The following SSBP2 variants were observed in gnomAD, a reference collection of about 807,000 sequenced individuals.
SSBP2 encodes single stranded DNA binding protein 2.
A neutral mutation model predicts 61.8 loss-of-function variants in SSBP2; 17 were observed. The observed-to-expected ratio is 0.28, with a 90% CI of 0.19 to 0.41. The LOEUF is 0.41. SSBP2 is among the 10% of genes least tolerant of loss of function. The pLI is 1.00. For synonymous variants in SSBP2, 139 were observed against 141.3 expected (o/e 0.98, Z 0.12); for missense variants, 310 against 458.7 (o/e 0.68, Z 2.96).
chr5:81,589,806 G>T (rs1775354170), intron 4 of SSBP2, among the ~76,000 whole-genome samples: 1 of 152,038 alleles, frequency 6.6e-6, no homozygotes, highest in Non-Finnish European at 1.5e-5. Context: ...ATCTGGTGAG[G>T]GCCTCCTTGC....
intron 4 of SSBP2, among the ~76,000 whole-genome samples, chr5:81,607,990 G>C (rs1434503664): frequency 6.6e-6 from 1 of 152,078 alleles, no homozygotes; most frequent in Non-Finnish European, 1.5e-5. Flanking sequence ...TTCTCACCAA[G>C]TTGTATTTTC....
intron 4 of SSBP2, among the ~76,000 whole-genome samples, chr5:81,521,862 T>A (rs1038207752): frequency 6.6e-6 from 1 of 152,002 alleles, no homozygotes; most frequent in Non-Finnish European, 1.5e-5. Context: ...AACAACTAGA[T>A]AAACAGTTGC....
chr5:81,428,531 C>T (rs1728160374), intron 16 of SSBP2, 54 bp downstream of exon 16: 1 of 1,395,852 alleles, frequency 7.2e-7, no homozygotes, highest in Non-Finnish European at 1.0e-6. Context: ...TTTATTCTAG[C>T]AGAAGAGCTT....
intron 1 of SSBP2, among the ~76,000 whole-genome samples, chr5:81,708,993 C>G (rs1754590986): frequency 6.6e-6 from 1 of 151,842 alleles, no homozygotes; most frequent in Non-Finnish European, 1.5e-5. Context: ...TGAATATAGG[C>G]TAAAGGTTCA....
At chr5:81,605,400 A>C (rs1023315906) in intron 4 of SSBP2, among the ~76,000 whole-genome samples, 1 of 152,136 alleles carries the variant, frequency 6.6e-6, no homozygotes, top group Non-Finnish European at 1.5e-5. Context: ...AAAAAGTCCT[A>C]AATTTCTTTC....
intron 1 of SSBP2, among the ~76,000 whole-genome samples, chr5:81,731,924 A>T (rs1756294639): frequency 6.6e-6 from 1 of 151,902 alleles, no homozygotes. Context: ...AGGAGAACAA[A>T]AACTTCTGCT....
chr5:81,596,337 G>C, intron 4 of SSBP2, among the ~76,000 whole-genome samples: 1 of 140,896 alleles, frequency 7.1e-6, no homozygotes. Context: ...CGAAATAAAA[G>C]AGGACACAAA....
At chr5:81,611,205 C>A (rs1303624588) in intron 4 of SSBP2, among the ~76,000 whole-genome samples, 2 of 152,024 alleles carry the variant, frequency 1.3e-5, no homozygotes, top group Non-Finnish European at 2.9e-5. Flanking sequence ...GTTGTCAACC[C>A]CCATCAAAAA....
chr5:81,520,470 T>C (rs141086496), intron 4 of SSBP2, among the ~76,000 whole-genome samples: 28 of 152,240 alleles, frequency 1.8e-4, no homozygotes, highest in Admixed American at 8.5e-4. Context: ...ATTCAATGAT[T>C]TACGAAAAAA....
At chr5:81,668,059 G>A (rs181225258) in intron 1 of SSBP2, among the ~76,000 whole-genome samples, 112 of 152,114 alleles carry the variant, frequency 7.4e-4, no homozygotes, top group Non-Finnish European at 1.2e-3. Flanking sequence ...AACAGGTAAT[G>A]AGTTACCTTT....
intron 16 of SSBP2, among the ~76,000 whole-genome samples, chr5:81,421,543 T>G (rs1166934647): frequency 6.6e-6 from 1 of 152,148 alleles, no homozygotes; most frequent in Non-Finnish European, 1.5e-5. Flanking sequence ...AGGAACATCA[T>G]TGTTACATGC....
In SSBP2 at chr5:81,632,495, T is replaced by C. The variant is rs138706308; in HGVS notation, c.197+4062A>G. Among the ~76,000 whole-genome samples the C allele has an allele frequency of 1.4e-4, 22 of 152,288 alleles. No homozygotes were observed. In the East Asian group the frequency reaches 3.9e-3, roughly 27 times the overall value. On this transcript the variant is annotated intron_variant, in intron 3 of 16. Coordinates refer to ENST00000320672, the MANE Select transcript of SSBP2 (RefSeq NM_012446.5). Reference sequence around the variant, plus strand: ...CAGATTGGCAGGAGGCAGGGACATATAAGGAACAGTATTTTATTAGGAATA... The same window carrying C: ...CAGATTGGCAGGAGGCAGGGACATACAAGGAACAGTATTTTATTAGGAATA...
At chr5:81,726,244 T>A (rs531670443) in intron 1 of SSBP2, among the ~76,000 whole-genome samples, 1 of 152,102 alleles carries the variant, frequency 6.6e-6, no homozygotes, top group Non-Finnish European at 1.5e-5. Flanking sequence ...AAAGAAACAC[T>A]GAACAAATAC....
At chr5:81,553,117 A>G (rs1401762467) in intron 4 of SSBP2, among the ~76,000 whole-genome samples, 1 of 152,116 alleles carries the variant, frequency 6.6e-6, no homozygotes, top group Non-Finnish European at 1.5e-5. Flanking sequence ...GCCTTGGGTG[A>G]GTCACTTAAG....
In SSBP2 at chr5:81,415,783, GCACCTGTAGTCCCA is replaced by G. The variant is rs1761282513; in HGVS notation, c.*4707_*4720del. ...AAAAATTAGCTGGGCATGGTGGTGA[GCACCTGTAGTCCCA>G]GCCACTCGGGAGGCTGAGGCAGGAG... On this transcript the variant is annotated 3_prime_UTR_variant, in exon 17 of 17. Coordinates refer to ENST00000320672, the MANE Select transcript of SSBP2 (RefSeq NM_012446.5). 6.6e-6 allele frequency: 1 copy of G among 151,872 alleles called. No homozygotes were observed. Among genetic ancestry groups the G allele is most frequent in the Non-Finnish European group, 1.5e-5 (1 of 68,274 alleles). The allele number at this position is 151,872 out of a possible 1,614,324, so 9.4% of individuals were successfully genotyped here.
At chr5:81,472,573 T>A (rs1765318975) in intron 8 of SSBP2, among the ~76,000 whole-genome samples, 1 of 152,182 alleles carries the variant, frequency 6.6e-6, no homozygotes, top group Non-Finnish European at 1.5e-5. Context: ...CTCTTTAATA[T>A]TTTCAATCAA....
intron 1 of SSBP2, among the ~76,000 whole-genome samples, chr5:81,654,532 A>G (rs1750039921): frequency 6.6e-6 from 1 of 152,148 alleles, no homozygotes; most frequent in Non-Finnish European, 1.5e-5. Context: ...TATCTCTCCC[A>G]CATTTGCCAC....
intron 1 of SSBP2, among the ~76,000 whole-genome samples, chr5:81,671,495 T>C (rs921653558): frequency 1.8e-4 from 28 of 152,094 alleles, no homozygotes; most frequent in African/African-American, 6.8e-4. Flanking sequence ...GGATGCATCA[T>C]TACTCCAAGA....
At chr5:81,559,052 G>A (rs1167247555) in intron 4 of SSBP2, among the ~76,000 whole-genome samples, 3 of 152,132 alleles carry the variant, frequency 2.0e-5, no homozygotes, top group Non-Finnish European at 2.9e-5. Context: ...TCAAGAGATC[G>A]AGGCCAGTCT....
Sources: allele counts gnomAD v4.1 joint callset (sites outside exome capture counted in the v4.1 genomes callset), GRCh38; gene constraint gnomAD v4.1.1; transcripts MANE v1.5; gene names NCBI Gene and HGNC (gene_info 2026-07-23, HGNC 2026-07-21).